DERA: variants seen among roughly 807,000 people sequenced by gnomAD.
The protein encoded by DERA is deoxyribose-phosphate aldolase.
DERA carries 15 observed loss-of-function variants against 41.1 expected under a neutral mutation model. The ratio of observed to expected loss-of-function variants is 0.37; its 90% CI spans 0.24 to 0.56. The LOEUF is 0.56. Ranked by LOEUF, DERA falls within the 20% of genes least tolerant of loss-of-function variation. DERA has a pLI of 0.81. For synonymous variants in DERA, 139 were observed against 137.4 expected (o/e 1.01, Z -0.08); for missense variants, 396 against 403.4 (o/e 0.98, Z 0.16).
chr12:15,982,574 A>G lies in DERA; in HGVS notation c.637+138A>G, dbSNP rs183067621. On this transcript the variant is annotated intron_variant, in intron 6 of 8. Transcript: ENST00000428559. This position sits in a 1 kb window ranked among gnomAD's most constrained non-coding sequence, Gnocchi z 4.0. ...TTGCGGGAGGAATCGGATATTTTGT[A>G]AAAACATGTTCAATGTGAAGTGGTC... The G allele has an allele frequency of 4.8e-3, 4,432 of 927,398 alleles. 17 individuals carry two copies. Among genetic ancestry groups the G allele is most frequent in the Non-Finnish European group, 5.5e-3 (3,453 of 624,178 alleles). The allele number at this position is 927,398 out of a possible 1,614,324, so 57.4% of individuals were successfully genotyped here.
At chr12:15,953,033 G>T (rs1054589744) in intron 1 of DERA, among the ~76,000 whole-genome samples, 9 of 152,070 alleles carry the variant, frequency 5.9e-5, no homozygotes, top group Non-Finnish European at 1.2e-4. Context: ...AGTATCCTTG[G>T]CCTCTACCCA....
chr12:15,980,579 C>G (rs1405160803), intron 5 of DERA, among the ~76,000 whole-genome samples: 1 of 151,780 alleles, frequency 6.6e-6, no homozygotes, highest in East Asian at 1.9e-4. Context: ...TTTTAACATT[C>G]TTACACAGGT....
chr12:15,975,092 T>C (rs1948688044), intron 5 of DERA, among the ~76,000 whole-genome samples: 1 of 152,196 alleles, frequency 6.6e-6, no homozygotes, highest in African/African-American at 2.4e-5. Context: ...AGCTAGTTTC[T>C]CAAGACGGAA....
chr12:15,964,679 A>G (rs1480948948), intron 5 of DERA, among the ~76,000 whole-genome samples: 1 of 152,250 alleles, frequency 6.6e-6, no homozygotes, highest in Non-Finnish European at 1.5e-5. Context: ...ATTTAGTTGT[A>G]TACAAACCTA....
intron 1 of DERA, among the ~76,000 whole-genome samples, chr12:15,945,785 G>C (rs1948442903): frequency 6.6e-6 from 1 of 152,188 alleles, no homozygotes; most frequent in South Asian, 2.1e-4. Flanking sequence ...TGGTGGGTGA[G>C]AGAGGGCATC....
intron 6 of DERA, among the ~76,000 whole-genome samples, chr12:16,028,695 A>G (rs1182155391): frequency 6.6e-6 from 1 of 152,214 alleles, no homozygotes; most frequent in Non-Finnish European, 1.5e-5. Flanking sequence ...CCTTGACATA[A>G]TGTGATTAAC....
chr12:16,036,692 T>G lies in DERA; in HGVS notation c.903T>G (p.Ile301Met). Residue 301 changes from isoleucine to methionine, a missense_variant and splice_region_variant, in exon 9 of 9, where the codon ATT becomes ATG. Coordinates refer to ENST00000428559, the MANE Select transcript of DERA (RefSeq NM_015954.4). This position sits in a 1 kb window ranked among gnomAD's most constrained non-coding sequence, Gnocchi z 4.9. ...STLLSDIERQ[I>M]YHHVTGRYAA... ...TTAAACTCTGCTTTTCCTCACAGAT[T>G]TACCATCATGTGACTGGAAGATATG... The G allele has an allele frequency of 6.2e-7, 1 of 1,602,942 alleles. No individual in the cohort carries two copies. The highest frequency in any genetic ancestry group is 8.5e-7 in the Non-Finnish European group (1 of 1,174,676).
At chr12:15,920,846 AC>A (rs369973750) in intron 1 of DERA, among the ~76,000 whole-genome samples, 2,710 of 150,978 alleles carry the variant, frequency 0.018, 42 homozygotes, top group Admixed American at 0.055. Flanking sequence ...TCTCAAAAAT[AC>A]CCCCCCCAAA....
rs1565611589 is a variant in DERA, at chr12:16,004,370, C to CCAAA, written c.637+21934_637+21935insCAAA. Among the ~76,000 whole-genome samples, 1 of 148,678 alleles carries CCAAA rather than the reference C, an allele frequency of 6.7e-6. No individual in the cohort carries two copies. Among genetic ancestry groups the CCAAA allele is most frequent in the African/African-American group, 2.6e-5 (1 of 38,172 alleles). ...TGCAGAAAAGAAAAGAAAAACCCAA[C>CCAAA]TCCTCCTTAACAATTTGTTCTCCCA... On this transcript the variant is annotated intron_variant, in intron 6 of 8. Coordinates refer to ENST00000428559, the MANE Select transcript of DERA (RefSeq NM_015954.4). This position sits in a 1 kb window ranked among gnomAD's most constrained non-coding sequence, Gnocchi z 4.2.
Position 15,982,507 on chromosome 12 carries a change from G to A in DERA, c.637+71G>A, listed in dbSNP as rs1948739524. On this transcript the variant is annotated intron_variant, in intron 6 of 8. Transcript: ENST00000428559. This position sits in a 1 kb window ranked among gnomAD's most constrained non-coding sequence, Gnocchi z 4.0. ...TTTAGGAGAAATTAAGTAAGTGAAAGCATTTAGCTATTATTAAACGTGCTA... is the reference window on the plus strand; with the variant it reads ...TTTAGGAGAAATTAAGTAAGTGAAAACATTTAGCTATTATTAAACGTGCTA... The A allele has an allele frequency of 2.0e-6, 3 of 1,464,266 alleles. No homozygotes were observed. The highest frequency in any genetic ancestry group is 2.8e-5 in the African/African-American group (2 of 70,282). The allele number at this position is 1,464,266 out of a possible 1,614,324, so 90.7% of individuals were successfully genotyped here.
rs1949055424 is a variant in DERA, at chr12:16,026,661, C to G, written c.638-5881C>G. On this transcript the variant is annotated intron_variant, in intron 6 of 8. Coordinates refer to ENST00000428559, the MANE Select transcript of DERA (RefSeq NM_015954.4). This position sits in a 1 kb window ranked among gnomAD's most constrained non-coding sequence, Gnocchi z 4.4. ...ATTTATTTAAAAATTTAACAAATTA[C>G]TAAAAACTATTTATAACCTTCCAAA... Among the ~76,000 whole-genome samples, 1 of 150,596 alleles carries G rather than the reference C, an allele frequency of 6.6e-6. No homozygotes were observed. The highest frequency in any genetic ancestry group is 6.6e-5 in the Admixed American group (1 of 15,116).
chr12:16,031,370 A>G (rs1949091283), intron 6 of DERA, among the ~76,000 whole-genome samples: 1 of 152,170 alleles, frequency 6.6e-6, no homozygotes, highest in South Asian at 2.1e-4. Context: ...TTCAACTTTT[A>G]TCTTTGACTT....
intron 1 of DERA, among the ~76,000 whole-genome samples, chr12:15,927,415 C>CT (rs1321787002): frequency 6.6e-6 from 1 of 152,130 alleles, no homozygotes; most frequent in Non-Finnish European, 1.5e-5. Context: ...AACAGTAACG[C>CT]TTTTTTGTGG....
At chr12:15,946,569 G>T (rs60465317) in intron 1 of DERA, among the ~76,000 whole-genome samples, 2,469 of 151,992 alleles carry the variant, frequency 0.016, 73 homozygotes, top group African/African-American at 0.057. Context: ...GGGATTGGTG[G>T]TGATATCCCC....
In DERA at chr12:15,928,389, A is replaced by T. The variant is rs1948302891; in HGVS notation, c.31+16975A>T. ...AAATTTCTTGCCCATTATTCCACTT[A>T]CAGAGATTTTTGAACAAGAAACAGA... On this transcript the variant is annotated intron_variant, in intron 1 of 8. Transcript: ENST00000428559. This position sits in a 1 kb window ranked among gnomAD's most constrained non-coding sequence, Gnocchi z 4.6. 6.6e-6 allele frequency among the ~76,000 whole-genome samples: 1 copy of T among 151,738 alleles called. No homozygotes were observed. The highest frequency in any genetic ancestry group is 2.4e-5 in the African/African-American group (1 of 40,990).
Position 15,911,376 on chromosome 12 carries a change from C to A in DERA, c.-8C>A. On this transcript the variant is annotated 5_prime_UTR_variant, in exon 1 of 9. Transcript: ENST00000428559. The surrounding 1 kb of genome is among the most constrained non-coding windows in gnomAD (Gnocchi z 4.5). The stretch of plus-strand genomic sequence containing the variant: ...CTACCAGCCGGCAGCTCCGGAGCTG[C>A]CCGCGCCATGTCCGCGCACAATCGG... 1.4e-6 allele frequency: 2 copies of A among 1,409,962 alleles called. No individual in the cohort carries two copies. The highest frequency in any genetic ancestry group is 1.5e-5 in the African/African-American group (1 of 65,966). The allele number at this position is 1,409,962 out of a possible 1,614,324, so 87.3% of individuals were successfully genotyped here. A position where few individuals can be genotyped will look rare whatever the true frequency, so the allele number is the denominator to read the frequency against.
In DERA at chr12:15,943,276, C is replaced by T. The variant is rs187774090; in HGVS notation, c.32-13660C>T. ...TATTTGTTTGAAGACAAATTTTAAA[C>T]GCAGAGTAGAAAAGCAATAGTCAGT... is the stretch of plus-strand genomic sequence containing the variant. On this transcript the variant is annotated intron_variant, in intron 1 of 8. Coordinates refer to ENST00000428559, the MANE Select transcript of DERA (RefSeq NM_015954.4). The surrounding 1 kb of genome is among the most constrained non-coding windows in gnomAD (Gnocchi z 4.5). Among the ~76,000 whole-genome samples the T allele has an allele frequency of 4.6e-5, 7 of 152,154 alleles. No homozygotes were observed. The highest frequency in any genetic ancestry group is 1.0e-4 in the Non-Finnish European group (7 of 68,022).
intron 7 of DERA, 177 bp downstream of exon 7, chr12:16,032,831 TG>T: frequency 1.8e-6 from 1 of 569,124 alleles, no homozygotes; most frequent in East Asian, 3.1e-5. Flanking sequence ...AAAATTGTGA[TG>T]AACAGAAAGT....
At chr12:16,007,266 C>T (rs927930371) in intron 6 of DERA, among the ~76,000 whole-genome samples, 1 of 151,382 alleles carries the variant, frequency 6.6e-6, no homozygotes, top group African/African-American at 2.4e-5. Flanking sequence ...TCACTGCAAC[C>T]TCCGCCTCCG....
Sources: gnomAD v4.1 joint callset for allele counts (sites outside exome capture counted in the v4.1 genomes callset) on GRCh38, gnomAD v4.1.1 for gene constraint, Gnocchi (gnomAD v3.1) non-coding constraint, MANE v1.5 for transcripts, NCBI Gene and HGNC (gene_info 2026-07-23, HGNC 2026-07-21) for gene names.